The following PCLAF variants were observed in gnomAD, a reference collection of about 807,000 sequenced individuals.
The protein encoded by PCLAF is PCNA-associated factor.
PCLAF carries 12 observed loss-of-function variants against 15.1 expected under a neutral mutation model. The observed-to-expected ratio is 0.79, with a 90% CI of 0.51 to 1.29. The LOEUF (loss-of-function observed/expected upper bound fraction) is 1.29, where lower values mean the gene tolerates loss of function less well. Ranked by LOEUF, PCLAF falls within the 50% of genes most tolerant of loss-of-function variation. The pLI is 0.00. For missense variants in PCLAF, 116 were observed against 130.9 expected (o/e 0.89, Z 0.56); for synonymous variants, 33 against 47.1 (o/e 0.70, Z 1.22).
At chr15:64,368,047 T>G (rs1230094866) in intron 3 of PCLAF, among the ~76,000 whole-genome samples, 3 of 151,740 alleles carry the variant, frequency 2.0e-5, no homozygotes, top group African/African-American at 7.3e-5. Context: ...AGATTTGGTA[T>G]AAGATTATCG....
At chr15:64,378,055 C>T (rs554353154) in intron 2 of PCLAF, among the ~76,000 whole-genome samples, 57 of 152,054 alleles carry the variant, frequency 3.7e-4, no homozygotes, top group Middle Eastern at 3.4e-3. Context: ...CTCAGCCTCC[C>T]GAGCAGTTGG....
At chr15:64,370,170 C>G (rs1282163973) in intron 3 of PCLAF, among the ~76,000 whole-genome samples, 4 of 150,726 alleles carry the variant, frequency 2.7e-5, no homozygotes, top group Non-Finnish European at 5.9e-5. Context: ...CCTCGAATGC[C>G]TGGGCTCAAG....
At position 64,364,674 on chromosome 15, in the gene PCLAF, AT is replaced by A. The variant is rs1362096608; in HGVS notation, c.*1355del. 1.3e-5 allele frequency: 2 copies of A among 149,040 alleles called. No homozygotes were observed. Among genetic ancestry groups the A allele is most frequent in the Non-Finnish European group, 3.0e-5 (2 of 67,296 alleles). 9.2% of individuals were successfully genotyped at this position (149,040 alleles called of 1,614,324 possible). ...TTTTATTGTTCATATATAAATATAT[AT>A]TTTTTTCTTTTCTTTCTTTTTTTTT... On this transcript the variant is annotated 3_prime_UTR_variant, in exon 4 of 4. Coordinates refer to ENST00000300035, the MANE Select transcript of PCLAF (RefSeq NM_014736.6).
At chr15:64,374,921 T>C (rs556848322) in intron 3 of PCLAF, among the ~76,000 whole-genome samples, 15 of 151,428 alleles carry the variant, frequency 9.9e-5, no homozygotes, top group Admixed American at 4.6e-4. Flanking sequence ...ATACAACGGA[T>C]GAAACTCGGA....
At position 64,365,813 on chromosome 15, in the gene PCLAF, A is replaced by T. The variant is rs1899007384; in HGVS notation, c.*217T>A. 1.9e-6 allele frequency: 1 copy of T among 525,086 alleles called. No individual in the cohort carries two copies. The highest frequency in any genetic ancestry group is 2.0e-5 in the African/African-American group (1 of 50,910). The allele number at this position is 525,086 out of a possible 1,614,324, so 32.5% of individuals were successfully genotyped here. ...CACTTAATTTGGTAAAAGAAACCAA[A>T]CAATGCATTATATTGAATACTAAGC... On this transcript the variant is annotated 3_prime_UTR_variant, in exon 4 of 4. Transcript: ENST00000300035.
intron 1 of PCLAF, among the ~76,000 whole-genome samples, chr15:64,386,486 A>C (rs1011344215): frequency 6.6e-6 from 1 of 152,128 alleles, no homozygotes; most frequent in Middle Eastern, 3.4e-3. Flanking sequence ...ATGCCAGGCT[A>C]ATTTTTTTCA....
At chr15:64,378,192 C>A (rs1899693868) in intron 2 of PCLAF, among the ~76,000 whole-genome samples, 2 of 152,046 alleles carry the variant, frequency 1.3e-5, no homozygotes, top group Admixed American at 1.3e-4. Context: ...TCCCAAAGTG[C>A]TGGGATTACA....
chr15:64,384,859 T>C (rs929592822), upstream of PCLAF, among the ~76,000 whole-genome samples: 4 of 152,162 alleles, frequency 2.6e-5, no homozygotes, highest in Admixed American at 2.0e-4. Context: ...TAAATTGCAT[T>C]ATAATTACAT....
intron 3 of PCLAF, among the ~76,000 whole-genome samples, chr15:64,366,397 AAAC>A (rs1899033168): frequency 6.6e-6 from 1 of 152,248 alleles, no homozygotes; most frequent in Non-Finnish European, 1.5e-5. Flanking sequence ...ATGGATTGAT[AAAC>A]AATATAATCC....
chr15:64,376,872 C>T lies in PCLAF; in HGVS notation c.161G>A (p.Cys54Tyr). 6.2e-7 allele frequency: 1 copy of T among 1,613,980 alleles called. No individual in the cohort carries two copies. The highest frequency in any genetic ancestry group is 8.5e-7 in the Non-Finnish European group (1 of 1,179,944). ...ENKYAGGNPVCVRPTPKWQKG... is the reference protein window; with the variant it reads ...ENKYAGGNPVYVRPTPKWQKG... ...TTGCCACTTGGGAGTTGGGCGCACG[C>T]AAACGGGGTTCCCTCCTGCATATTT... The change falls in exon 3 of 4, where the codon TGC becomes TAC. Residue 54 changes from cysteine (C) to tyrosine (Y), a missense_variant. Coordinates refer to ENST00000300035, the MANE Select transcript of PCLAF (RefSeq NM_014736.6).
intron 3 of PCLAF, among the ~76,000 whole-genome samples, chr15:64,369,363 TAAAAAAA>T (rs72110519): frequency 1.1e-5 from 1 of 94,698 alleles, no homozygotes; most frequent in African/African-American, 4.1e-5. Flanking sequence ...CCTGTCTCTT[TAAAAAAA>T]AAAAAAAAAA....
At chr15:64,367,111 G>T (rs1899066385) in intron 3 of PCLAF, among the ~76,000 whole-genome samples, 1 of 151,082 alleles carries the variant, frequency 6.6e-6, no homozygotes, top group African/African-American at 2.4e-5. Flanking sequence ...AAACAGAGCA[G>T]GTCTCTGTGT....
At chr15:64,385,445 GAGAAACCCCA>G (rs1334659672), upstream of PCLAF, among the ~76,000 whole-genome samples, 4 of 151,848 alleles carry the variant, frequency 2.6e-5, no homozygotes, top group Non-Finnish European at 5.9e-5. Flanking sequence ...GACCAACATG[GAGAAACCCCA>G]TCTCTACTAC....
At chr15:64,371,469 T>C (rs1024100319) in intron 3 of PCLAF, among the ~76,000 whole-genome samples, 8 of 152,168 alleles carry the variant, frequency 5.3e-5, no homozygotes, top group Non-Finnish European at 1.2e-4. Flanking sequence ...TTTCACCATT[T>C]TGGCCAGGTT....
At chr15:64,378,524 G>A (rs1382009800) in intron 2 of PCLAF, among the ~76,000 whole-genome samples, 3 of 152,062 alleles carry the variant, frequency 2.0e-5, no homozygotes, top group Non-Finnish European at 4.4e-5. Context: ...TCCCGCCTTC[G>A]CCTCCAAAAG....
At chr15:64,377,908 C>T (rs1000047199) in intron 2 of PCLAF, among the ~76,000 whole-genome samples, 10 of 150,952 alleles carry the variant, frequency 6.6e-5, no homozygotes, top group Non-Finnish European at 8.9e-5. Flanking sequence ...CCCGCCACCA[C>T]GCCCAGCTAA....
intron 3 of PCLAF, chr15:64,373,677 G>A (rs1305223092): frequency 1.3e-6 from 2 of 1,534,338 alleles, no homozygotes; most frequent in South Asian, 2.4e-5. Flanking sequence ...CCCAGAATGA[G>A]CATCGCCACC....
At chr15:64,371,629 A>C (rs1457832519) in intron 3 of PCLAF, among the ~76,000 whole-genome samples, 1 of 151,992 alleles carries the variant, frequency 6.6e-6, no homozygotes, top group Non-Finnish European at 1.5e-5. Context: ...TTTGAGACAG[A>C]GTCTCGCTCT....
In PCLAF at chr15:64,381,052, C is replaced by CA; in HGVS notation, c.47-15dup. The CA allele has an allele frequency of 6.2e-7, 1 of 1,608,790 alleles. No homozygotes were observed. Among genetic ancestry groups the CA allele is most frequent in the Non-Finnish European group, 8.5e-7 (1 of 1,178,274 alleles). On this transcript the variant is annotated splice_polypyrimidine_tract_variant and intron_variant, in intron 1 of 3. Coordinates refer to ENST00000300035, the MANE Select transcript of PCLAF (RefSeq NM_014736.6). ...GAGCAGCCACCACTGTGAAGAGAGG[C>CA]AAAAAAGGGTGTTCAGAAGGGGCAG...
Sources: gnomAD v4.1 joint callset for allele counts (sites outside exome capture counted in the v4.1 genomes callset) on GRCh38, gnomAD v4.1.1 for gene constraint, MANE v1.5 for transcripts, NCBI Gene and HGNC (gene_info 2026-07-23, HGNC 2026-07-21) for gene names.